MAP2K6: variants seen among roughly 807,000 people sequenced by gnomAD.
MAP2K6 encodes the protein mitogen-activated protein kinase kinase 6.
MAP2K6 carries 16 observed loss-of-function variants against 53.7 expected under a neutral mutation model. The ratio of observed to expected loss-of-function variants is 0.30; its 90% CI spans 0.20 to 0.45. The LOEUF (loss-of-function observed/expected upper bound fraction) is 0.45. Ranked by LOEUF, MAP2K6 falls within the 20% of genes least tolerant of loss-of-function variation. MAP2K6 has a pLI of 1.00. For synonymous variants in MAP2K6, 132 were observed against 143.1 expected, an observed-to-expected ratio of 0.92 and a Z score of 0.55; for missense variants, 204 against 411.9, an observed-to-expected ratio of 0.50 and a Z score of 4.37.
chr17:69,475,016 T>C (rs757223594), intron 1 of MAP2K6, among the ~76,000 whole-genome samples: 50 of 152,308 alleles, frequency 3.3e-4, no homozygotes, highest in South Asian at 1.5e-3. Flanking sequence ...CAAACATTTG[T>C]ATTTTGACAA....
At position 69,550,844 on chromosome 17, in the gene MAP2K6, C is replaced by T. The variant is rs1912068374; in HGVS notation, c.*9091C>T. The T allele has an allele frequency of 6.6e-6, 1 of 152,140 alleles. No homozygotes were observed. Among genetic ancestry groups the T allele is most frequent in the Non-Finnish European group, 1.5e-5 (1 of 68,030 alleles). The allele number at this position is 152,140 out of a possible 1,614,324, so 9.4% of individuals were successfully genotyped here. A position where few individuals can be genotyped will look rare whatever the true frequency, so the allele number is the denominator to read the frequency against. ...ACTTGGGAACGTTGGATTAAATGAC[C>T]ACTTTAGGACTTTAAACAGTCTCAA... On this transcript the variant is annotated 3_prime_UTR_variant, in exon 12 of 12. Coordinates refer to ENST00000590474, the MANE Select transcript of MAP2K6 (RefSeq NM_002758.4).
chr17:69,510,017 T>G lies in MAP2K6; in HGVS notation c.83+4171T>G, dbSNP rs28812483. On this transcript the variant is annotated intron_variant, in intron 2 of 11. Transcript: ENST00000590474. Reference sequence around the variant, plus strand: ...GCCACCACACGCGGCTAATTTTTTTTTGTGTTTTGTAGAGACGGGGTTTTG... The same window carrying G: ...GCCACCACACGCGGCTAATTTTTTTGTGTGTTTTGTAGAGACGGGGTTTTG... Among the ~76,000 whole-genome samples, 229 of 152,036 alleles carry G rather than the reference T, an allele frequency of 1.5e-3. 1 individual carries two copies. The highest frequency in any genetic ancestry group is 5.3e-3 in the African/African-American group (218 of 41,488).
intron 1 of MAP2K6, among the ~76,000 whole-genome samples, chr17:69,442,231 C>T (rs1386069142): frequency 6.6e-6 from 1 of 152,092 alleles, no homozygotes. Context: ...TTTTACCTTC[C>T]AAATGTGGAC....
In MAP2K6 at chr17:69,541,795, G is replaced by A; in HGVS notation, c.*42G>A. On this transcript the variant is annotated 3_prime_UTR_variant, in exon 12 of 12. Coordinates refer to ENST00000590474, the MANE Select transcript of MAP2K6 (RefSeq NM_002758.4). ...TCGGTTGACCCTACTGTGGATTGGT[G>A]GGTTTCGGGGTGAAGCAAGTTCACT... is the stretch of plus-strand genomic sequence containing the variant. The A allele has an allele frequency of 6.7e-7, 1 of 1,487,684 alleles. No individual in the cohort carries two copies. The highest frequency in any genetic ancestry group is 1.4e-5 in the African/African-American group (1 of 72,310). The allele number at this position is 1,487,684 out of a possible 1,614,324, so 92.2% of individuals were successfully genotyped here.
At chr17:69,475,370 G>A (rs1052871917) in intron 1 of MAP2K6, among the ~76,000 whole-genome samples, 1 of 151,914 alleles carries the variant, frequency 6.6e-6, no homozygotes, top group Non-Finnish European at 1.5e-5. Flanking sequence ...GGGTTTCACC[G>A]TGTTAGCCAA....
chr17:69,515,032 A>T lies in MAP2K6; in HGVS notation c.84-1823A>T, dbSNP rs938434635. On this transcript the variant is annotated intron_variant, in intron 2 of 11. Coordinates refer to ENST00000590474, the MANE Select transcript of MAP2K6 (RefSeq NM_002758.4). ...TCTGGCATGGAATGTGCTTCCAGAG[A>T]GACATGAGTCTTTACCTGTCTGCTC... 3.9e-5 allele frequency among the ~76,000 whole-genome samples: 6 copies of T among 151,956 alleles called. No individual in the cohort carries two copies. In the South Asian group the frequency reaches 1.2e-3, roughly 32 times the overall value.
chr17:69,445,151 C>G (rs1906933520), intron 1 of MAP2K6, among the ~76,000 whole-genome samples: 2 of 152,250 alleles, frequency 1.3e-5, no homozygotes, highest in African/African-American at 4.8e-5. Context: ...AAACTCCTGA[C>G]CTCAGGTGAT....
intron 1 of MAP2K6, among the ~76,000 whole-genome samples, chr17:69,486,348 T>C (rs374465869): frequency 4.1e-4 from 62 of 152,264 alleles, no homozygotes; most frequent in African/African-American, 1.4e-3. Flanking sequence ...AGATGGAAGT[T>C]CTCCCTGTAC....
At chr17:69,429,662 G>A (rs1906395173) in intron 1 of MAP2K6, among the ~76,000 whole-genome samples, 1 of 152,164 alleles carries the variant, frequency 6.6e-6, no homozygotes, top group Non-Finnish European at 1.5e-5. Context: ...ATAAAATTAT[G>A]AGTAAAATAT....
intron 1 of MAP2K6, among the ~76,000 whole-genome samples, chr17:69,435,947 C>T (rs1402247379): frequency 2.0e-5 from 3 of 151,730 alleles, no homozygotes; most frequent in South Asian, 2.1e-4. Context: ...GGATTACAGG[C>T]GTGAGCCACT....
rs1414161171 is a variant in MAP2K6 at position 69,464,777 on chromosome 17, G to A, written c.17-41003G>A. On this transcript the variant is annotated intron_variant, in intron 1 of 11. Coordinates refer to ENST00000590474, the MANE Select transcript of MAP2K6 (RefSeq NM_002758.4). ...GTTGCCCCAGCTGGAGTGCAGTGGT[G>A]TGATCTCAGCTCACTGCAACCTCTG... 2.6e-5 allele frequency among the ~76,000 whole-genome samples: 4 copies of A among 152,170 alleles called. No homozygotes were observed. The East Asian group carries it at 5.8e-4, about 22-fold the overall frequency.
intron 11 of MAP2K6, among the ~76,000 whole-genome samples, chr17:69,540,906 T>A (rs983257057): frequency 3.9e-5 from 6 of 152,224 alleles, no homozygotes; most frequent in Non-Finnish European, 7.3e-5. Flanking sequence ...GCTACCTTCC[T>A]TGCACGTTTA....
At chr17:69,521,128 T>C (rs1166635303) in intron 7 of MAP2K6, 28 bp downstream of exon 7, 1 of 1,602,394 alleles carries the variant, frequency 6.2e-7, no homozygotes, top group Non-Finnish European at 8.5e-7. Flanking sequence ...GCCTTGGCTG[T>C]TCCTTTGATA....
intron 1 of MAP2K6, among the ~76,000 whole-genome samples, chr17:69,481,083 C>T (rs1329139938): frequency 1.3e-5 from 2 of 152,160 alleles, no homozygotes; most frequent in Non-Finnish European, 2.9e-5. Flanking sequence ...CATCTGTCCC[C>T]AGAACTCTTT....
intron 2 of MAP2K6, 74 bp downstream of exon 2, chr17:69,505,920 C>A: frequency 1.5e-6 from 2 of 1,329,920 alleles, no homozygotes; most frequent in Non-Finnish European, 2.1e-6. Context: ...TATTTTTGGA[C>A]TGCTGAGCAA....
At chr17:69,426,945 A>G (rs1430621163) in intron 1 of MAP2K6, among the ~76,000 whole-genome samples, 1 of 152,200 alleles carries the variant, frequency 6.6e-6, no homozygotes, top group Non-Finnish European at 1.5e-5. Flanking sequence ...AATGGAATAT[A>G]TCATATCTCA....
chr17:69,499,769 A>C (rs945448646), intron 1 of MAP2K6, among the ~76,000 whole-genome samples: 2 of 152,246 alleles, frequency 1.3e-5, no homozygotes, highest in African/African-American at 4.8e-5. Flanking sequence ...TACAAAAATA[A>C]AATAATTCTA....
At chr17:69,506,566 G>A (rs1391367197) in intron 2 of MAP2K6, among the ~76,000 whole-genome samples, 2 of 152,170 alleles carry the variant, frequency 1.3e-5, no homozygotes, top group Non-Finnish European at 2.9e-5. Context: ...GACAGGGCAA[G>A]GGCAAAGAGA....
chr17:69,473,669 A>G (rs561414371), intron 1 of MAP2K6, among the ~76,000 whole-genome samples: 10 of 152,326 alleles, frequency 6.6e-5, no homozygotes, highest in African/African-American at 2.4e-4. Flanking sequence ...AGAAATTGGG[A>G]GTCCTAGGTT....
Sources: allele counts gnomAD v4.1 joint callset (sites outside exome capture counted in the v4.1 genomes callset), GRCh38; gene constraint gnomAD v4.1.1; transcripts MANE v1.5; gene names NCBI Gene and HGNC (gene_info 2026-07-23, HGNC 2026-07-21).